The following LDB3 variants were observed in gnomAD, a reference collection of about 807,000 sequenced individuals.
The protein encoded by LDB3 is LIM domain binding 3.
Under a neutral mutation model 69.0 loss-of-function variants are expected in LDB3, and 49 were observed. That is an observed-to-expected ratio of 0.71 (90% CI 0.56 to 0.90). The LOEUF is 0.90. LDB3 is among the 40% of genes least tolerant of loss of function. The pLI is 0.00. For synonymous variants in LDB3, 387 were observed against 396.2 expected, an observed-to-expected ratio of 0.98 and a Z score of 0.28; for missense variants, 928 against 974.1, an observed-to-expected ratio of 0.95 and a Z score of 0.63.
intron 2 of LDB3, among the ~76,000 whole-genome samples, chr10:86,677,027 G>A (rs1467818446): frequency 2.6e-5 from 4 of 152,244 alleles, no homozygotes; most frequent in Admixed American, 1.3e-4. Flanking sequence ...GTTATAGCCA[G>A]GAAGGTGACT....
chr10:86,706,563 G>T lies in LDB3; in HGVS notation c.929G>T (p.Ser310Ile). The change falls in exon 8 of 14, where the codon AGC (serine) becomes ATC (isoleucine). Residue 310 changes from serine (S) to isoleucine (I), a missense_variant. Coordinates refer to ENST00000361373, the MANE Select transcript of LDB3 (RefSeq NM_007078.3). ...TPIEHAPVCT[S>I]QATTPLLPAS... ...ATTGAGCATGCGCCGGTGTGCACCA[G>T]CCAGGCCACCACCCCGCTGCTGCCC... is the stretch of plus-strand genomic sequence containing the variant. 2 of 1,612,948 alleles carry T rather than the reference G, an allele frequency of 1.2e-6. No individual in the cohort carries two copies. The highest frequency in any genetic ancestry group is 4.5e-5 in the East Asian group (2 of 44,862).
At chr10:86,705,276 A>G (rs1442962606) in intron 7 of LDB3, among the ~76,000 whole-genome samples, 3 of 152,190 alleles carry the variant, frequency 2.0e-5, no homozygotes, top group Non-Finnish European at 4.4e-5. Flanking sequence ...CATCTATTAA[A>G]TAAGAGTCCA....
intron 5 of LDB3, 50 bp from the exon 6 acceptor site, chr10:86,691,846 G>A (rs886038580): frequency 6.2e-7 from 1 of 1,607,216 alleles, no homozygotes; most frequent in Non-Finnish European, 8.5e-7. Flanking sequence ...AGCAGGGTGG[G>A]AACTGGGCTC....
At chr10:86,670,753 C>A (rs1305823216) in intron 2 of LDB3, among the ~76,000 whole-genome samples, 2 of 152,234 alleles carry the variant, frequency 1.3e-5, no homozygotes, top group Non-Finnish European at 2.9e-5. Flanking sequence ...GGGGGATGGG[C>A]ATGATATGGC....
Position 86,699,137 on chromosome 10 carries a change from C to T in LDB3, c.896+6566C>T, listed in dbSNP as rs1846140003. On this transcript the variant is annotated intron_variant, in intron 7 of 13. Transcript: ENST00000361373. The surrounding 1 kb of genome is among the most constrained non-coding windows in gnomAD (Gnocchi z 4.9). ...GCTTCTCCAAGCCCGTTCCCTCCCT[C>T]CCATGCCCTCTGCCCCACCTGTTAG... 2.0e-6 allele frequency: 2 copies of T among 1,004,316 alleles called. No individual in the cohort carries two copies. The highest frequency in any genetic ancestry group is 1.8e-5 in the Admixed American group (1 of 56,790). The allele number at this position is 1,004,316 out of a possible 1,614,324, so 62.2% of individuals were successfully genotyped here.
chr10:86,712,375 G>A (rs1198016038), intron 9 of LDB3, among the ~76,000 whole-genome samples: 1 of 152,202 alleles, frequency 6.6e-6, no homozygotes, highest in Non-Finnish European at 1.5e-5. Flanking sequence ...ATTGCTGGAG[G>A]GAGGCAGGAA....
chr10:86,684,383 AG>A (rs1845340666), intron 5 of LDB3, among the ~76,000 whole-genome samples: 1 of 152,256 alleles, frequency 6.6e-6, no homozygotes, highest in South Asian at 2.1e-4. Flanking sequence ...CAGGCTGCCA[AG>A]GGAGGGCAGA....
intron 5 of LDB3, among the ~76,000 whole-genome samples, chr10:86,689,535 TG>T (rs1845661114): frequency 6.6e-6 from 1 of 152,234 alleles, no homozygotes; most frequent in Admixed American, 6.5e-5. Flanking sequence ...AGGCCCAGGC[TG>T]GGGGTGCATA....
chr10:86,667,302 G>T (rs1844220435), upstream of LDB3, among the ~76,000 whole-genome samples: 2 of 152,132 alleles, frequency 1.3e-5, no homozygotes, highest in Non-Finnish European at 2.9e-5. Context: ...GTCCAAGCCA[G>T]ACCCCTCCAA....
At chr10:86,706,432 C>T (rs1312415741) in intron 7 of LDB3, 99 bp from the exon 8 acceptor site, 7 of 1,320,856 alleles carry the variant, frequency 5.3e-6, no homozygotes, top group South Asian at 1.2e-5. Flanking sequence ...GCTTTCTGCC[C>T]AGCCTGCCTC....
intron 7 of LDB3, among the ~76,000 whole-genome samples, chr10:86,697,215 C>CTT (rs34215720): frequency 0.023 from 1,759 of 77,842 alleles, 28 homozygotes; most frequent in African/African-American, 0.034. Context: ...TAGCAATTCA[C>CTT]TTTTTTTTTT....
chr10:86,668,801 A>AGTG lies in LDB3; in HGVS notation c.93+17_93+18insGTG. ...ATCTCCCGGGTGAGTGCACCCTGCC[A>AGTG]CAGCCTGGCACCCGATGGGGCAGGC... On this transcript the variant is annotated intron_variant, in intron 2 of 13. Transcript: ENST00000361373. The AGTG allele has an allele frequency of 6.3e-7, 1 of 1,594,198 alleles. No homozygotes were observed. The highest frequency in any genetic ancestry group is 8.6e-7 in the Non-Finnish European group (1 of 1,162,852).
At chr10:86,679,307 C>G in intron 2 of LDB3, 60 bp from the exon 3 acceptor site, 1 of 1,601,042 alleles carries the variant, frequency 6.2e-7, no homozygotes, top group South Asian at 1.1e-5. Flanking sequence ...TCCCCAAGGA[C>G]TGGCCTTTCC....
chr10:86,714,553 CTTTTTTTTTT>C (rs11306108), intron 9 of LDB3, among the ~76,000 whole-genome samples: 1 of 124,194 alleles, frequency 8.1e-6, no homozygotes. Context: ...AAGGTATTAT[CTTTTTTTTTT>C]TTTTTTTTTT....
chr10:86,694,400 C>G (rs974238730), intron 7 of LDB3, among the ~76,000 whole-genome samples: 2 of 152,154 alleles, frequency 1.3e-5, no homozygotes, highest in Admixed American at 1.3e-4. Flanking sequence ...AGCCTCTCCC[C>G]CAGCTACGGC....
rs1215958790 is a variant in LDB3, at chr10:86,718,867, A to T, written c.1978+20A>T. ...AGAAAGGTAGGAACACTTCGATGGC[A>T]TGTGGGGAGGCCCCACAGCCTGGGA... On this transcript the variant is annotated intron_variant, in intron 12 of 13. Coordinates refer to ENST00000361373, the MANE Select transcript of LDB3 (RefSeq NM_007078.3). The T allele has an allele frequency of 1.2e-6, 2 of 1,613,728 alleles. No individual in the cohort carries two copies. Among genetic ancestry groups the T allele is most frequent in the Non-Finnish European group, 1.7e-6 (2 of 1,179,920 alleles).
intron 9 of LDB3, among the ~76,000 whole-genome samples, chr10:86,711,819 C>T (rs1846680403): frequency 6.7e-6 from 1 of 149,278 alleles, no homozygotes; most frequent in Non-Finnish European, 1.5e-5. Context: ...TCACGTTGGC[C>T]CGCGGGCCGG....
At chr10:86,703,876 G>A (rs190076476) in intron 7 of LDB3, among the ~76,000 whole-genome samples, 6 of 152,274 alleles carry the variant, frequency 3.9e-5, no homozygotes, top group African/African-American at 1.2e-4. Context: ...CACTTTGGGA[G>A]GCCAAAGCAG....
At position 86,672,823 on chromosome 10, in the gene LDB3, G is replaced by C. The variant is rs74677960; in HGVS notation, c.93+4039G>C. On this transcript the variant is annotated intron_variant, in intron 2 of 13. Coordinates refer to ENST00000361373, the MANE Select transcript of LDB3 (RefSeq NM_007078.3). ...GAATTGGACCCTTGGAGGCCCCTGG[G>C]CCAGGACACCGTGCAAGGGCAGCTG... Among the ~76,000 whole-genome samples, 1,007 of 152,372 alleles carry C rather than the reference G, an allele frequency of 6.6e-3. 19 individuals carry two copies. Among genetic ancestry groups the C allele is most frequent in the African/African-American group, 0.023 (944 of 41,582 alleles).
Sources: gnomAD v4.1 joint callset for allele counts (sites outside exome capture counted in the v4.1 genomes callset) on GRCh38, gnomAD v4.1.1 for gene constraint, Gnocchi (gnomAD v3.1) non-coding constraint, MANE v1.5 for transcripts, NCBI Gene and HGNC (gene_info 2026-07-23, HGNC 2026-07-21) for gene names.